Variants in PIGL observed in about 807,000 individuals in gnomAD.
PIGL encodes the protein phosphatidylinositol glycan anchor biosynthesis class L, also known as N-acetylglucosaminyl-phosphatidylinositol de-N-acetylase.
A neutral mutation model predicts 31.1 loss-of-function variants in PIGL; 22 were observed. That is an observed-to-expected ratio of 0.71 (90% CI 0.51 to 1.01). The LOEUF (loss-of-function observed/expected upper bound fraction) is 1.01, where lower values mean the gene tolerates loss of function less well. Ranked by LOEUF, PIGL falls within the 50% of genes least tolerant of loss-of-function variation. The probability of loss-of-function intolerance (pLI) is 0.00; values close to 1 mark genes in which losing one functional copy is unlikely to be tolerated. For missense variants in PIGL, 302 were observed against 315.9 expected (o/e 0.96, Z 0.33); for synonymous variants, 131 against 117.4 (o/e 1.12, Z -0.75).
chr17:16,219,971 A>G (rs1407865064), intron 1 of PIGL, among the ~76,000 whole-genome samples: 6 of 152,180 alleles, frequency 3.9e-5, no homozygotes, highest in Non-Finnish European at 8.8e-5. Context: ...TTTGCAAAAC[A>G]TTATAGGTAT....
chr17:16,274,638 G>A (rs984048896), intron 2 of PIGL, among the ~76,000 whole-genome samples: 6 of 151,820 alleles, frequency 4.0e-5, no homozygotes, highest in Admixed American at 6.6e-5. Flanking sequence ...CAGGAGAATC[G>A]CTTGAACCCG....
intron 5 of PIGL, chr17:16,317,298 A>G (rs962125717): frequency 1.2e-5 from 12 of 1,001,752 alleles, no homozygotes; most frequent in Non-Finnish European, 1.4e-5. Flanking sequence ...GAACATGACT[A>G]TAGTTTGTTT....
intron 2 of PIGL, among the ~76,000 whole-genome samples, chr17:16,298,333 C>G (rs2142832444): frequency 6.6e-6 from 1 of 152,214 alleles, no homozygotes; most frequent in South Asian, 2.1e-4. Context: ...CCCATGTCCT[C>G]TCAGTAGCAT....
chr17:16,256,528 T>C (rs1470356172), intron 2 of PIGL, among the ~76,000 whole-genome samples: 1 of 152,086 alleles, frequency 6.6e-6, no homozygotes, highest in Non-Finnish European at 1.5e-5. Context: ...ATTGTGTATT[T>C]TTTAGTAGAG....
chr17:16,234,024 G>C lies in PIGL; in HGVS notation c.289G>C (p.Asp97His). The C allele has an allele frequency of 6.2e-7, 1 of 1,608,844 alleles. No individual in the cohort carries two copies. The highest frequency in any genetic ancestry group is 8.5e-7 in the Non-Finnish European group (1 of 1,175,316). The stretch of plus-strand genomic sequence containing the variant: ...TAAGAAAGAACTTTTGCAGAGCTGT[G>C]ATGTTTTGGGGATTCCACTCTCCAG... The part of the protein sequence containing the change: ...TRKKELLQSC[D>H]VLGIPLSSVM... Residue 97 changes from aspartate (D) to histidine (H), a missense_variant, in exon 2 of 7, where the codon GAT becomes CAT. Transcript: ENST00000225609.
intron 2 of PIGL, among the ~76,000 whole-genome samples, chr17:16,238,974 C>T (rs1376959285): frequency 6.8e-6 from 1 of 147,286 alleles, no homozygotes; most frequent in East Asian, 2.2e-4. Context: ...AACTCCTGAC[C>T]TCAGATGATC....
intron 6 of PIGL, among the ~76,000 whole-genome samples, chr17:16,321,477 T>C (rs1255301166): frequency 1.3e-5 from 2 of 152,098 alleles, no homozygotes; most frequent in Non-Finnish European, 2.9e-5. Context: ...TGACCTCAGG[T>C]GATCCACCCG....
rs539979953 is a variant in PIGL at position 16,288,243 on chromosome 17, G to A, written c.336-11645G>A. ...TCTTTCGAGACGAAGTCTCACTCTT[G>A]TTGCCCAGGTTGGAGTACAGTGGCT... On this transcript the variant is annotated intron_variant, in intron 2 of 6. Transcript: ENST00000225609. Among the ~76,000 whole-genome samples the A allele has an allele frequency of 4.6e-4, 70 of 151,768 alleles. 1 individual carries two copies. The highest frequency in any genetic ancestry group is 3.3e-3 in the East Asian group (17 of 5,162).
At chr17:16,300,692 A>T (rs900353160) in intron 3 of PIGL, among the ~76,000 whole-genome samples, 1 of 152,130 alleles carries the variant, frequency 6.6e-6, no homozygotes, top group East Asian at 1.9e-4. Context: ...AAAAAAAAAA[A>T]AAAAGTAAAA....
chr17:16,242,846 G>A (rs1013051677), intron 2 of PIGL, among the ~76,000 whole-genome samples: 6 of 151,582 alleles, frequency 4.0e-5, no homozygotes, highest in African/African-American at 1.5e-4. Context: ...TTGAACTCCT[G>A]ACCACAAATG....
intron 3 of PIGL, among the ~76,000 whole-genome samples, chr17:16,310,570 CTT>C (rs2093044814): frequency 6.6e-6 from 1 of 151,962 alleles, no homozygotes; most frequent in Admixed American, 6.6e-5. Flanking sequence ...GAGTTTCGCT[CTT>C]GTCACCCAGG....
intron 2 of PIGL, among the ~76,000 whole-genome samples, chr17:16,263,694 TG>T (rs1205498322): frequency 6.6e-6 from 1 of 151,712 alleles, no homozygotes. Context: ...AGCTAATTTT[TG>T]TATTTTTAGT....
At chr17:16,325,394 T>C (rs993875559) in intron 6 of PIGL, among the ~76,000 whole-genome samples, 7 of 149,810 alleles carry the variant, frequency 4.7e-5, no homozygotes, top group Non-Finnish European at 1.0e-4. Flanking sequence ...GGCTCTGGGT[T>C]AAAATCTCAG....
Position 16,218,677 on chromosome 17 carries a change from CT to C in PIGL, c.235+1235del, listed in dbSNP as rs34243048. Among the ~76,000 whole-genome samples, 544 of 127,652 alleles carry C rather than the reference CT, an allele frequency of 4.3e-3. 4 individuals carry two copies. Among genetic ancestry groups the C allele is most frequent in the African/African-American group, 0.013 (462 of 34,234 alleles). 83.7% of individuals were successfully genotyped at this position (127,652 alleles called of 152,430 possible). A position where few individuals can be genotyped will look rare whatever the true frequency, so the allele number is the denominator to read the frequency against. ...CCCAAAAACAAAATGCCAACTTACT[CT>C]TTTTTTTTTTTTTTTTTTCTGAGAT... On this transcript the variant is annotated intron_variant, in intron 1 of 6. Transcript: ENST00000225609.
rs532494994 is a variant in PIGL at position 16,239,405 on chromosome 17, C to A, written c.335+5335C>A. Among the ~76,000 whole-genome samples, 5 of 151,864 alleles carry A rather than the reference C, an allele frequency of 3.3e-5. No homozygotes were observed. The East Asian group carries it at 9.8e-4, about 30-fold the overall frequency. On this transcript the variant is annotated intron_variant, in intron 2 of 6. Transcript: ENST00000225609. ...AGCTAAGGCAGGAGAATCGCTTGAA[C>A]CCAGGAGGCGGAGGTTGCAGTGAGC...
chr17:16,320,234 GA>G (rs2093097926), intron 6 of PIGL, among the ~76,000 whole-genome samples: 1 of 109,030 alleles, frequency 9.2e-6, no homozygotes, highest in East Asian at 3.3e-4. Context: ...AGGAAGGAAG[GA>G]AGGAAGGAAG....
chr17:16,276,328 C>T (rs1046121231), intron 2 of PIGL, among the ~76,000 whole-genome samples: 2 of 152,172 alleles, frequency 1.3e-5, no homozygotes, highest in Non-Finnish European at 2.9e-5. Flanking sequence ...CAGATTTTTA[C>T]ATTATCTATC....
chr17:16,267,865 G>A (rs2142762998), intron 2 of PIGL, among the ~76,000 whole-genome samples: 1 of 152,208 alleles, frequency 6.6e-6, no homozygotes, highest in Middle Eastern at 3.4e-3. Flanking sequence ...TGTAATACTA[G>A]CCATGGTAAA....
chr17:16,258,095 GAGAGAGAA>G (rs1249444290), intron 2 of PIGL, among the ~76,000 whole-genome samples: 29 of 128,970 alleles, frequency 2.2e-4, no homozygotes, highest in Non-Finnish European at 2.9e-4. Flanking sequence ...GAGAGAGAGA[GAGAGAGAA>G]AGAGAGAGAG....
Sources: gnomAD v4.1 joint callset for allele counts (sites outside exome capture counted in the v4.1 genomes callset) on GRCh38, gnomAD v4.1.1 for gene constraint, MANE v1.5 for transcripts, NCBI Gene and HGNC (gene_info 2026-07-23, HGNC 2026-07-21) for gene names.